The following CELF4 variants were observed in gnomAD, a reference collection of about 807,000 sequenced individuals.
The protein encoded by CELF4 is CUGBP Elav-like family member 4, also known as CUG-BP- and ETR-3-like factor 4.
In CELF4, 18 loss-of-function variants were observed where a neutral mutation model predicts 59.9. The observed-to-expected ratio is 0.30, with a 90% CI of 0.21 to 0.45. The LOEUF (loss-of-function observed/expected upper bound fraction) is 0.45, where lower values mean the gene tolerates loss of function less well. Among genes scored for constraint, CELF4 ranks in the 20% least tolerant of loss-of-function variants. CELF4 has a pLI of 1.00. For missense variants in CELF4, 456 were observed against 689.0 expected (o/e 0.66, Z 3.79); for synonymous variants, 261 against 267.1 (o/e 0.98, Z 0.22).
chr18:37,515,572 G>T (rs150616310), intron 1 of CELF4, among the ~76,000 whole-genome samples: 1 of 152,200 alleles, frequency 6.6e-6, no homozygotes, highest in Non-Finnish European at 1.5e-5. Flanking sequence ...AGACCGTAAC[G>T]CTGGAGGGAG....
At chr18:37,392,568 A>C (rs918729244) in intron 2 of CELF4, among the ~76,000 whole-genome samples, 13 of 151,982 alleles carry the variant, frequency 8.6e-5, no homozygotes, top group Admixed American at 7.2e-4. Flanking sequence ...TGTTTCCTTC[A>C]CCTCCAAAGT....
chr18:37,296,419 C>G (rs1413267847), intron 3 of CELF4, among the ~76,000 whole-genome samples: 1 of 152,218 alleles, frequency 6.6e-6, no homozygotes, highest in Non-Finnish European at 1.5e-5. Context: ...TGACCTTGAC[C>G]TCTTGGGCTC....
At chr18:37,374,032 A>G (rs973685651) in intron 2 of CELF4, among the ~76,000 whole-genome samples, 23 of 152,222 alleles carry the variant, frequency 1.5e-4, no homozygotes, top group Admixed American at 1.2e-3. Flanking sequence ...AGGAGGTGAG[A>G]GATGCACTGG....
At chr18:37,465,452 C>A (rs960981611) in intron 2 of CELF4, among the ~76,000 whole-genome samples, 5 of 152,134 alleles carry the variant, frequency 3.3e-5, no homozygotes, top group African/African-American at 9.7e-5. Context: ...TGGGAATGGG[C>A]AGCCTCCATG....
At chr18:37,431,746 G>A (rs1345815973) in intron 2 of CELF4, among the ~76,000 whole-genome samples, 3 of 152,110 alleles carry the variant, frequency 2.0e-5, no homozygotes, top group Non-Finnish European at 4.4e-5. Context: ...AAACTTCCCT[G>A]GCAGTTGAGC....
chr18:37,280,124 G>T (rs1332033398), intron 3 of CELF4, among the ~76,000 whole-genome samples: 4 of 152,166 alleles, frequency 2.6e-5, no homozygotes, highest in African/African-American at 9.7e-5. Context: ...AACCACCATA[G>T]GGGAGTAGGC....
chr18:37,498,671 AGGTTCCTGT>A (rs2099927976), intron 1 of CELF4, among the ~76,000 whole-genome samples: 1 of 151,898 alleles, frequency 6.6e-6, no homozygotes, highest in African/African-American at 2.4e-5. Context: ...TGGGACCTTG[AGGTTCCTGT>A]CACCAGCCAG....
chr18:37,269,601 T>C (rs1254949751), intron 8 of CELF4, among the ~76,000 whole-genome samples: 1 of 152,160 alleles, frequency 6.6e-6, no homozygotes, highest in Non-Finnish European at 1.5e-5. Context: ...CCACCTCCAC[T>C]CTTGCCAGGC....
chr18:37,453,778 G>A (rs1327094325), intron 2 of CELF4, among the ~76,000 whole-genome samples: 1 of 152,148 alleles, frequency 6.6e-6, no homozygotes, highest in Non-Finnish European at 1.5e-5. Context: ...CCAGCAGCCT[G>A]GGAACAGGGG....
intron 1 of CELF4, among the ~76,000 whole-genome samples, chr18:37,523,704 A>T (rs4799934): frequency 6.6e-6 from 1 of 152,154 alleles, no homozygotes; most frequent in Admixed American, 6.5e-5. Context: ...ACTTACGGAG[A>T]TTTCTAGGCT....
At chr18:37,418,642 C>A (rs1426556034) in intron 2 of CELF4, among the ~76,000 whole-genome samples, 1 of 152,256 alleles carries the variant, frequency 6.6e-6, no homozygotes, top group Non-Finnish European at 1.5e-5. Context: ...CTTGGCCTCG[C>A]TTACATTTTC....
intron 11 of CELF4, among the ~76,000 whole-genome samples, chr18:37,257,174 G>A (rs1042833012): frequency 2.0e-5 from 3 of 152,210 alleles, no homozygotes; most frequent in African/African-American, 7.2e-5. Context: ...AATGCCTTTG[G>A]AAAGCCGGAC....
chr18:37,305,035 G>A (rs77190194), intron 3 of CELF4, among the ~76,000 whole-genome samples: 2,836 of 152,284 alleles, frequency 0.019, 89 homozygotes, highest in African/African-American at 0.065. Context: ...CTTGGAGGTG[G>A]CCACAGCGTG....
chr18:37,504,035 C>G (rs902902857), intron 1 of CELF4, among the ~76,000 whole-genome samples: 1 of 152,188 alleles, frequency 6.6e-6, no homozygotes, highest in African/African-American at 2.4e-5. Flanking sequence ...AGAGCTTTCT[C>G]TTAGAAGAGA....
chr18:37,435,996 G>T (rs577820341), intron 2 of CELF4, among the ~76,000 whole-genome samples: 1 of 152,268 alleles, frequency 6.6e-6, no homozygotes, highest in South Asian at 2.1e-4. Context: ...TGCAGGGCCC[G>T]CACCTCTCTG....
chr18:37,445,472 C>T (rs2099745609), intron 2 of CELF4, among the ~76,000 whole-genome samples: 1 of 151,804 alleles, frequency 6.6e-6, no homozygotes, highest in Non-Finnish European at 1.5e-5. Flanking sequence ...TGCTGGCATC[C>T]AAATGTGTGT....
intron 1 of CELF4, among the ~76,000 whole-genome samples, chr18:37,543,088 C>A (rs531169611): frequency 2.8e-4 from 42 of 152,288 alleles, no homozygotes; most frequent in Non-Finnish European, 4.6e-4. Context: ...TCTTCCCATG[C>A]CTTCCCATCC....
chr18:37,387,188 T>G (rs1342910779), intron 2 of CELF4, among the ~76,000 whole-genome samples: 1 of 152,242 alleles, frequency 6.6e-6, no homozygotes, highest in East Asian at 1.9e-4. Flanking sequence ...GGGCATTACT[T>G]TGTGCTGCCC....
rs144957590 is a variant in CELF4 at position 37,405,088 on chromosome 18, C to A, written c.369+80437G>T. Among the ~76,000 whole-genome samples the A allele has an allele frequency of 4.9e-3, 739 of 151,968 alleles. 4 individuals are homozygous for A. Among genetic ancestry groups the A allele is most frequent in the African/African-American group, 0.017 (699 of 41,248 alleles). ...GCTGGGCTTGGGCCTGAAAGCAGGC[C>A]CCAACCCCCCCCGTGTCCTTTCCTT... On this transcript the variant is annotated intron_variant, in intron 2 of 12. Transcript: ENST00000420428.
Sources: gnomAD v4.1 joint callset for allele counts (sites outside exome capture counted in the v4.1 genomes callset) on GRCh38, gnomAD v4.1.1 for gene constraint, MANE v1.5 for transcripts, NCBI Gene and HGNC (gene_info 2026-07-23, HGNC 2026-07-21) for gene names.